The following KIAA1755 variants were observed in gnomAD, a reference collection of about 807,000 sequenced individuals.
The protein encoded by KIAA1755 is uncharacterized protein KIAA1755.
A neutral mutation model predicts 91.7 loss-of-function variants in KIAA1755; 68 were observed. The ratio of observed to expected loss-of-function variants is 0.74; its 90% CI spans 0.61 to 0.91. KIAA1755 has a LOEUF of 0.91. KIAA1755 is among the 40% of genes least tolerant of loss of function. The pLI is 0.00. For missense variants in KIAA1755, 1,535 were observed against 1,494.4 expected (o/e 1.03, Z -0.45); for synonymous variants, 610 against 604.6 (o/e 1.01, Z -0.13).
At chr20:38,229,618 A>G (rs998146626) in intron 5 of KIAA1755, among the ~76,000 whole-genome samples, 6 of 152,172 alleles carry the variant, frequency 3.9e-5, no homozygotes, top group Non-Finnish European at 5.9e-5. Context: ...GGCCCAGCCA[A>G]TGTTCATTCA....
chr20:38,222,505 G>A lies in KIAA1755; in HGVS notation c.2361C>T (p.Ala787=). ...GLLGLQREGG[A]TLARLQHDAS... is the part of the protein sequence containing the mutation. ...CATCATGCTGCAGCCTGGCCAGGGT[G>A]GCTCCACCTTCCCGCTGGAGGCCCA... Residue 787 remains alanine, a synonymous_variant, in exon 10 of 14, where the codon GCC becomes GCT. Transcript: ENST00000279024. The A allele has an allele frequency of 6.2e-7, 1 of 1,613,842 alleles. No homozygotes were observed.
At chr20:38,223,697 G>A (rs1038530149) in intron 8 of KIAA1755, 61 bp from the exon 9 acceptor site, 15 of 1,287,274 alleles carry the variant, frequency 1.2e-5, no homozygotes, top group Middle Eastern at 2.1e-4. Context: ...GATGCCTCTT[G>A]CATCTCAGGA....
At chr20:38,229,704 A>G (rs904997016) in intron 5 of KIAA1755, among the ~76,000 whole-genome samples, 6 of 151,226 alleles carry the variant, frequency 4.0e-5, no homozygotes, top group African/African-American at 1.2e-4. Flanking sequence ...CATCCTCTAC[A>G]CCCCCTCATC....
At chr20:38,254,472 G>T (rs939939653) in intron 1 of KIAA1755, among the ~76,000 whole-genome samples, 1 of 152,130 alleles carries the variant, frequency 6.6e-6, no homozygotes, top group Non-Finnish European at 1.5e-5. Flanking sequence ...GGCCCTTCCA[G>T]TAGGGGCATT....
At chr20:38,243,530 A>G (rs2076104177) in intron 2 of KIAA1755, among the ~76,000 whole-genome samples, 1 of 152,236 alleles carries the variant, frequency 6.6e-6, no homozygotes, top group African/African-American at 2.4e-5. Context: ...TGACTTTCAC[A>G]GTAACTCAGT....
At chr20:38,230,563 A>G (rs779312644) in intron 5 of KIAA1755, among the ~76,000 whole-genome samples, 3 of 151,500 alleles carry the variant, frequency 2.0e-5, no homozygotes, top group Non-Finnish European at 4.4e-5. Flanking sequence ...ATCTGTTTTA[A>G]CAGCCCACCA....
chr20:38,213,627 T>G lies in KIAA1755; in HGVS notation c.3018A>C (p.Ala1006=). The change falls in exon 14 of 14, where the codon GCA becomes GCC. Residue 1006 remains alanine, a synonymous_variant. Coordinates refer to ENST00000279024, the MANE Select transcript of KIAA1755 (RefSeq NM_001029864.2). The part of the protein sequence containing the change: ...RRLHRYLQRL[A]SEFPAEKLAA... ...CGAGCTTCTCAGCAGGGAACTCAGA[T>G]GCCAGTCGCTGCAGGTAGCGGTGGA... 1 of 1,611,262 alleles carries G rather than the reference T, an allele frequency of 6.2e-7. No individual in the cohort carries two copies. Among genetic ancestry groups the G allele is most frequent in the Non-Finnish European group, 8.5e-7 (1 of 1,178,744 alleles).
intron 13 of KIAA1755, among the ~76,000 whole-genome samples, chr20:38,214,747 T>G (rs533161665): frequency 3.9e-5 from 6 of 152,320 alleles, no homozygotes; most frequent in African/African-American, 1.4e-4. Flanking sequence ...TGTGATTCTG[T>G]CTGTCCCCGC....
rs940689348 is a variant in KIAA1755 at position 38,260,575 on chromosome 20, G to C, written c.-75C>G. On this transcript the variant is annotated 5_prime_UTR_variant, in exon 1 of 14. Transcript: ENST00000279024. ...GGTCTGTGGGTCCGCGGGTCCGTCT[G>C]TCTGGGGCAGCCCTCGGTCCCGCCT... 7 of 1,472,044 alleles carry C rather than the reference G, an allele frequency of 4.8e-6. No individual in the cohort carries two copies. The African/African-American group carries it at 1.0e-4, about 21-fold the overall frequency. 91.2% of individuals were successfully genotyped at this position (1,472,044 alleles called of 1,614,324 possible). A position where few individuals can be genotyped will look rare whatever the true frequency, so the allele number is the denominator to read the frequency against.
chr20:38,236,110 G>T (rs2075956300), intron 4 of KIAA1755, among the ~76,000 whole-genome samples: 1 of 152,232 alleles, frequency 6.6e-6, no homozygotes, highest in South Asian at 2.1e-4. Context: ...TTTAATGGGA[G>T]AGTTGACAGT....
At chr20:38,227,329 T>G in intron 6 of KIAA1755, 89 bp from the exon 7 acceptor site, 1 of 915,732 alleles carries the variant, frequency 1.1e-6, no homozygotes, top group Non-Finnish European at 1.7e-6. Context: ...CCCTGTAAGA[T>G]GCAGGCAAAT....
chr20:38,231,007 C>T (rs1394739698), intron 5 of KIAA1755, among the ~76,000 whole-genome samples, 195 bp downstream of exon 5: 1 of 152,222 alleles, frequency 6.6e-6, no homozygotes, highest in Non-Finnish European at 1.5e-5. Flanking sequence ...CCATCTCTCC[C>T]ACCAGCCTGA....
intron 4 of KIAA1755, among the ~76,000 whole-genome samples, chr20:38,235,250 G>C (rs1036854404): frequency 5.3e-5 from 8 of 152,122 alleles, no homozygotes; most frequent in African/African-American, 1.9e-4. Flanking sequence ...CAATCTCAGG[G>C]GCTCTGTTCA....
At chr20:38,222,328 A>T in intron 10 of KIAA1755, 121 bp downstream of exon 10, 2 of 1,012,512 alleles carry the variant, frequency 2.0e-6, no homozygotes, top group Non-Finnish European at 2.9e-6. Flanking sequence ...CCCTGCAACT[A>T]CTGCAAAGCT....
intron 1 of KIAA1755, among the ~76,000 whole-genome samples, chr20:38,250,512 CTGTGTGTGTG>C (rs3080901): frequency 7.2e-6 from 1 of 138,840 alleles, no homozygotes; most frequent in African/African-American, 2.7e-5. Flanking sequence ...GTGTGTGTGT[CTGTGTGTGTG>C]TGTGTGTGTG....
chr20:38,252,375 G>T (rs890163531), intron 1 of KIAA1755, among the ~76,000 whole-genome samples: 1 of 152,184 alleles, frequency 6.6e-6, no homozygotes, highest in South Asian at 2.1e-4. Context: ...GTCTCCAGGC[G>T]GCTACTGTGC....
chr20:38,215,283 G>A (rs1462667685), intron 13 of KIAA1755, among the ~76,000 whole-genome samples: 3 of 152,280 alleles, frequency 2.0e-5, no homozygotes, highest in Middle Eastern at 3.4e-3. Flanking sequence ...TACCTCCCCC[G>A]TATGACTTCT....
chr20:38,244,853 G>C (rs1196553443), intron 2 of KIAA1755, among the ~76,000 whole-genome samples: 1 of 152,076 alleles, frequency 6.6e-6, no homozygotes, highest in African/African-American at 2.4e-5. Context: ...TCAGCCTCCT[G>C]AGTAGCTGGG....
rs773394443 is a variant in KIAA1755, at chr20:38,213,681, T to C, written c.2964A>G (p.Ser988=). Residue 988 remains serine, a synonymous_variant, in exon 14 of 14, where the codon TCA becomes TCG. Transcript: ENST00000279024. ...GGCGCTGGTCCCCAGGACTGACCCT[T>C]GAGGTCTTGTCCAGCCTGAGCTGGG... is the stretch of plus-strand genomic sequence containing the variant. ...LMAQLRLDKT[S]RVSPGDQRRL... 1.9e-6 allele frequency: 3 copies of C among 1,574,142 alleles called. No homozygotes were observed. The Admixed American group carries it at 5.4e-5, about 28-fold the overall frequency.
Sources: gnomAD v4.1 joint callset for allele counts (sites outside exome capture counted in the v4.1 genomes callset) on GRCh38, gnomAD v4.1.1 for gene constraint, MANE v1.5 for transcripts, NCBI Gene and HGNC (gene_info 2026-07-23, HGNC 2026-07-21) for gene names.